Variants in PI16 observed in about 807,000 individuals in gnomAD.
PI16 encodes the protein PSP94-binding protein.
In PI16, 35 loss-of-function variants were observed where a neutral mutation model predicts 38.0. The observed-to-expected ratio is 0.92, with a 90% CI of 0.70 to 1.22. The LOEUF is 1.22. PI16 is among the 50% of genes most tolerant of loss of function. PI16 has a pLI of 0.00. For synonymous variants in PI16, 275 were observed against 252.9 expected (o/e 1.09, Z -0.83); for missense variants, 572 against 593.8 (o/e 0.96, Z 0.38).
chr6:36,963,095 C>T lies in PI16; in HGVS notation c.753C>T (p.Ser251=). 5.0e-6 allele frequency: 8 copies of T among 1,614,218 alleles called. No individual in the cohort carries two copies. The highest frequency in any genetic ancestry group is 6.8e-6 in the Non-Finnish European group (8 of 1,180,040). ...PAFLVTEVSG[S]LATKALPAVE... ...TCTTGGTAACAGAGGTCTCAGGCTCCCTGGCAACCAAGGCTCTGCCTGCTG... is the reference window on the plus strand; with the variant it reads ...TCTTGGTAACAGAGGTCTCAGGCTCTCTGGCAACCAAGGCTCTGCCTGCTG... The change falls in exon 5 of 7, where the codon TCC becomes TCT. Residue 251 remains serine (S), a synonymous_variant. Coordinates refer to ENST00000373674, the MANE Select transcript of PI16 (RefSeq NM_153370.3).
At chr6:36,954,044 C>A (rs115123534), upstream of PI16, among the ~76,000 whole-genome samples, 2 of 152,206 alleles carry the variant, frequency 1.3e-5, no homozygotes, top group East Asian at 3.9e-4. Context: ...CCTCTCCCCC[C>A]GCAGGCAAGA....
chr6:36,952,769 G>A (rs1389417021), upstream of PI16, among the ~76,000 whole-genome samples: 2 of 152,062 alleles, frequency 1.3e-5, no homozygotes, highest in Non-Finnish European at 1.5e-5. Context: ...AGATTGTTTT[G>A]ACTATTTGGG....
intron 1 of PI16, among the ~76,000 whole-genome samples, chr6:36,957,706 A>T (rs1763242659): frequency 6.6e-6 from 1 of 152,234 alleles, no homozygotes; most frequent in African/African-American, 2.4e-5. Flanking sequence ...CCAGATATCT[A>T]GTCAGAATGG....
intron 2 of PI16, among the ~76,000 whole-genome samples, chr6:36,959,886 T>TAAA (rs1561896386): frequency 4.7e-4 from 65 of 138,284 alleles, no homozygotes; most frequent in African/African-American, 1.6e-3. Context: ...AAAAAAAAAA[T>TAAA]TAAATAAATA....
Position 36,959,140 on chromosome 6 carries a change from T to A in PI16, c.172-5T>A, listed in dbSNP as rs1485839278. On this transcript the variant is annotated splice_polypyrimidine_tract_variant and splice_region_variant and intron_variant, in intron 1 of 6. Transcript: ENST00000373674. The stretch of plus-strand genomic sequence containing the variant: ...CTCACCTCCCTTCTCTCACCTGCCC[T>A]GCAGAGATGGGACGAGGAGCTGGCC... The A allele has an allele frequency of 3.1e-6, 5 of 1,604,734 alleles. No homozygotes were observed. In the African/African-American group the frequency reaches 5.3e-5, roughly 17 times the overall value.
chr6:36,958,200 G>C (rs62406524), intron 1 of PI16, among the ~76,000 whole-genome samples: 9,094 of 152,314 alleles, frequency 0.06, 397 homozygotes, highest in Non-Finnish European at 0.092. Flanking sequence ...CCCAGAGCTG[G>C]CTGGGCCCTC....
Position 36,963,884 on chromosome 6 carries a change from G to T in PI16, c.1332G>T (p.Val444=), listed in dbSNP as rs1454407254. 2.5e-6 allele frequency: 4 copies of T among 1,613,748 alleles called. No homozygotes were observed. In the South Asian group the frequency reaches 3.3e-5, roughly 13 times the overall value. Residue 444 remains valine (V), a synonymous_variant, in exon 6 of 7, where the codon GTG becomes GTT. Coordinates refer to ENST00000373674, the MANE Select transcript of PI16 (RefSeq NM_153370.3). The part of the protein sequence containing the change: ...VSGLNSGPGH[V]WGPLLGLLLL... Reference sequence around the variant, plus strand: ...GGCTGAACTCGGGCCCTGGTCATGTGTGGGGCCCTCTCCTGGGACTACTGC... The same window carrying T: ...GGCTGAACTCGGGCCCTGGTCATGTTTGGGGCCCTCTCCTGGGACTACTGC...
At chr6:36,960,677 C>T (rs1335195263) in intron 2 of PI16, among the ~76,000 whole-genome samples, 1 of 143,676 alleles carries the variant, frequency 7.0e-6, no homozygotes, top group South Asian at 2.4e-4. Context: ...CCACTTGCTC[C>T]TGCAGGGATT....
Position 36,963,602 on chromosome 6 carries a change from G to T in PI16, c.1260G>T (p.Ser420=), listed in dbSNP as rs745460207. 6.2e-7 allele frequency: 1 copy of T among 1,613,414 alleles called. No homozygotes were observed. Among genetic ancestry groups the T allele is most frequent in the African/African-American group, 1.3e-5 (1 of 74,924 alleles). The change falls in exon 5 of 7, where the codon TCG becomes TCT. Residue 420 remains serine, a synonymous_variant. Transcript: ENST00000373674. The part of the protein sequence containing the change: ...ATGGRALALQ[S]SLPGAEGPDK... ...GTGGGCGTGCCCTGGCTCTGCAGTC[G>T]TCCTTGCCAGGTAAGGCCCATAGCA...
chr6:36,951,406 T>G (rs887798838), upstream of PI16, among the ~76,000 whole-genome samples: 3 of 152,078 alleles, frequency 2.0e-5, no homozygotes, highest in African/African-American at 4.8e-5. Flanking sequence ...CATGCCACCA[T>G]GCCCAGCTGA....
upstream of PI16, among the ~76,000 whole-genome samples, chr6:36,951,995 A>G (rs1416242707): frequency 6.7e-6 from 1 of 150,360 alleles, no homozygotes; most frequent in Non-Finnish European, 1.5e-5. Context: ...TTCATGGGAA[A>G]TTGTGTCTTT....
intron 6 of PI16, 31 bp downstream of exon 6, chr6:36,963,993 A>T: frequency 6.3e-7 from 1 of 1,581,882 alleles, no homozygotes; most frequent in Non-Finnish European, 8.6e-7. Context: ...CCCTGGCCTC[A>T]TACCCACCTG....
intron 1 of PI16, among the ~76,000 whole-genome samples, chr6:36,956,863 G>T (rs1296141358): frequency 1.3e-5 from 2 of 152,154 alleles, no homozygotes; most frequent in Non-Finnish European, 2.9e-5. Context: ...GCAGGTGGGG[G>T]TTATCATGAA....
upstream of PI16, among the ~76,000 whole-genome samples, chr6:36,953,469 A>C (rs1259441385): frequency 1.3e-5 from 2 of 151,586 alleles, no homozygotes; most frequent in Non-Finnish European, 2.9e-5. Context: ...ACTAATTTCT[A>C]TGTGTTAATT....
chr6:36,957,733 C>T (rs1209378155), intron 1 of PI16, among the ~76,000 whole-genome samples: 5 of 152,196 alleles, frequency 3.3e-5, no homozygotes, highest in Admixed American at 1.3e-4. Flanking sequence ...CAGCCAGGCT[C>T]TGTAGGGGTA....
In PI16 at chr6:36,963,828, G is replaced by A. The variant is rs1215377968; in HGVS notation, c.1276G>A (p.Glu426Lys). 6.3e-7 allele frequency: 1 copy of A among 1,593,958 alleles called. No individual in the cohort carries two copies. The highest frequency in any genetic ancestry group is 8.5e-7 in the Non-Finnish European group (1 of 1,172,072). Reference sequence around the variant, plus strand: ...AAGCCTCTTTCTTCCCACAGGTGCAGAGGGCCCTGACAAGCCTAGCGTCGT... The same window carrying A: ...AAGCCTCTTTCTTCCCACAGGTGCAAAGGGCCCTGACAAGCCTAGCGTCGT... ...LALQSSLPGA[E>K]GPDKPSVVSG... is the part of the protein sequence containing the mutation. The change falls in exon 6 of 7, where the codon GAG (glutamate) becomes AAG (lysine). Residue 426 changes from glutamate to lysine, a missense_variant. Transcript: ENST00000373674.
intron 1 of PI16, among the ~76,000 whole-genome samples, chr6:36,949,033 G>A (rs1422172306): frequency 2.0e-5 from 3 of 151,758 alleles, no homozygotes; most frequent in African/African-American, 4.8e-5. Context: ...TCTTGACCTC[G>A]TGATCCACCC....
At chr6:36,956,310 T>C (rs1763205228) in intron 1 of PI16, among the ~76,000 whole-genome samples, 1 of 152,220 alleles carries the variant, frequency 6.6e-6, no homozygotes, top group Non-Finnish European at 1.5e-5. Context: ...GATTGAGGCC[T>C]GTGACTCATT....
chr6:36,953,088 G>A (rs1763125814), upstream of PI16, among the ~76,000 whole-genome samples: 2 of 152,272 alleles, frequency 1.3e-5, no homozygotes, highest in South Asian at 2.1e-4. Context: ...GGGAGACCGA[G>A]GCGGGCGGAT....
Sources: allele counts gnomAD v4.1 joint callset (sites outside exome capture counted in the v4.1 genomes callset), GRCh38; gene constraint gnomAD v4.1.1; transcripts MANE v1.5; gene names NCBI Gene and HGNC (gene_info 2026-07-23, HGNC 2026-07-21).